PDGFRA: variants seen among roughly 807,000 people sequenced by gnomAD.
PDGFRA encodes the protein platelet derived growth factor receptor alpha, also known as platelet-derived growth factor receptor alpha.
PDGFRA carries 25 observed loss-of-function variants against 121.5 expected under a neutral mutation model. That is an observed-to-expected ratio of 0.21 (90% CI 0.15 to 0.29). The LOEUF (loss-of-function observed/expected upper bound fraction) is 0.29. Ranked by LOEUF, PDGFRA falls within the 10% of genes least tolerant of loss-of-function variation. The probability of loss-of-function intolerance (pLI) is 1.00; values close to 1 mark genes in which losing one functional copy is unlikely to be tolerated. For synonymous variants in PDGFRA, 463 were observed against 494.8 expected (o/e 0.94, Z 0.85); for missense variants, 1,008 against 1,345.1 (o/e 0.75, Z 3.92).
rs149555934 is a variant in PDGFRA at position 54,290,738 on chromosome 4, C to A, written c.3122+184C>A. Among the ~76,000 whole-genome samples the A allele has an allele frequency of 1.8e-3, 281 of 152,310 alleles. 1 individual carries two copies. Among genetic ancestry groups the A allele is most frequent in the African/African-American group, 6.4e-3 (265 of 41,568 alleles). ...GCTTCCCAGATGATTCTAATATGTT[C>A]CCCCTGGGGCTGGGAGAGGGATGTG... On this transcript the variant is annotated intron_variant, in intron 22 of 22. Coordinates refer to ENST00000257290, the MANE Select transcript of PDGFRA (RefSeq NM_006206.6).
rs751123873 is a variant in PDGFRA at position 54,280,409 on chromosome 4, G to A, written c.2250G>A (p.Glu750=). ...TQYVPMLERK[E]VSKYSDIQRS... ...ATGTCCCCATGCTAGAAAGGAAAGA[G>A]GTTTCTAAATATTCCGACATCCAGA... The change falls in exon 16 of 23, where the codon GAG becomes GAA. Residue 750 remains glutamate (E), a synonymous_variant. Coordinates refer to ENST00000257290, the MANE Select transcript of PDGFRA (RefSeq NM_006206.6). The A allele has an allele frequency of 6.2e-7, 1 of 1,613,174 alleles. No individual in the cohort carries two copies.
chr4:54,284,850 A>G (rs1355657810), intron 16 of PDGFRA, among the ~76,000 whole-genome samples: 4 of 144,142 alleles, frequency 2.8e-5, no homozygotes, highest in Non-Finnish European at 6.1e-5. Context: ...GTTTCTGCAT[A>G]TCTCTTTCCT....
chr4:54,233,229 C>T (rs901885725), intron 1 of PDGFRA, among the ~76,000 whole-genome samples: 1 of 152,242 alleles, frequency 6.6e-6, no homozygotes, highest in Non-Finnish European at 1.5e-5. Flanking sequence ...TCGCCGCCAA[C>T]CCCGGGACAA....
At chr4:54,232,776 G>A (rs770230717) in intron 1 of PDGFRA, among the ~76,000 whole-genome samples, 4 of 152,140 alleles carry the variant, frequency 2.6e-5, no homozygotes, top group Non-Finnish European at 5.9e-5. Flanking sequence ...GTAGAGACGG[G>A]GTTTCACCAT....
rs1327515700 is a variant in PDGFRA at position 54,257,075 on chromosome 4, G to A, written c.-12-1682G>A. Among the ~76,000 whole-genome samples, 4 of 152,200 alleles carry A rather than the reference G, an allele frequency of 2.6e-5. No homozygotes were observed. In the East Asian group the frequency reaches 7.8e-4, roughly 30 times the overall value. ...AAAAACCTAGGATGCAATGAAGAAG[G>A]AAGCCGAAACCCACCAAAACCAAGA... On this transcript the variant is annotated intron_variant, in intron 1 of 22. Transcript: ENST00000257290.
At position 54,269,504 on chromosome 4, in the gene PDGFRA, T is replaced by C. The variant is rs868404700; in HGVS notation, c.1122-1129T>C. Among the ~76,000 whole-genome samples the C allele has an allele frequency of 2.5e-3, 351 of 142,382 alleles. 1 individual carries two copies. The highest frequency in any genetic ancestry group is 0.011 in the Middle Eastern group (3 of 276). 93.4% of individuals were successfully genotyped at this position (142,382 alleles called of 152,430 possible). On this transcript the variant is annotated intron_variant, in intron 7 of 22. Coordinates refer to ENST00000257290, the MANE Select transcript of PDGFRA (RefSeq NM_006206.6). ...CACATACTATATTTATGCACATACA[T>C]ACACACACACACACACACACACACA...
intron 7 of PDGFRA, among the ~76,000 whole-genome samples, chr4:54,269,413 A>G (rs12644709): frequency 0.18 from 27,111 of 151,848 alleles, 2,914 homozygotes; most frequent in Admixed American, 0.28. Context: ...TCCATGACCA[A>G]TGCTTTTCTT....
At chr4:54,266,977 G>A (rs1225106146) in intron 5 of PDGFRA, among the ~76,000 whole-genome samples, 3 of 152,134 alleles carry the variant, frequency 2.0e-5, no homozygotes, top group African/African-American at 7.2e-5. Flanking sequence ...GTGAGATTCT[G>A]TCTCTAAAAA....
chr4:54,241,791 C>T (rs1721314979), intron 1 of PDGFRA, among the ~76,000 whole-genome samples: 1 of 152,110 alleles, frequency 6.6e-6, no homozygotes, highest in Admixed American at 6.5e-5. Context: ...TCAGTTGATC[C>T]ACCCACCTTG....
chr4:54,260,397 G>GTTTTTTTTTTTTTT (rs68009440), intron 2 of PDGFRA, among the ~76,000 whole-genome samples: 39 of 64,592 alleles, frequency 6.0e-4, no homozygotes, highest in African/African-American at 2.6e-3. Flanking sequence ...TTCCATGTGG[G>GTTTTTTTTTTTTTT]TTTTTTTTTT....
intron 14 of PDGFRA, 92 bp downstream of exon 14, chr4:54,278,098 C>A: frequency 1.2e-6 from 1 of 812,540 alleles, no homozygotes; most frequent in African/African-American, 1.7e-5. Context: ...CTCTCCATCC[C>A]CACACATGGC....
Position 54,263,891 on chromosome 4 carries a change from T to A in PDGFRA, c.592T>A (p.Phe198Ile), listed in dbSNP as rs562479351. ...ICEATVKGKK[F>I]QTIPFNVYAL... ...TGAGGCCACCGTCAAAGGAAAGAAG[T>A]TCCAGACCATCCCATTTAATGTTTA... Residue 198 changes from phenylalanine (F) to isoleucine (I), a missense_variant, in exon 4 of 23, where the codon TTC (phenylalanine) becomes ATC (isoleucine). Around this residue, in one of 5 missense-constraint regions of PDGFRA, gnomAD observed 575 missense variants for 701.8 expected, o/e 0.82. Coordinates refer to ENST00000257290, the MANE Select transcript of PDGFRA (RefSeq NM_006206.6). 5 of 1,614,018 alleles carry A rather than the reference T, an allele frequency of 3.1e-6. No homozygotes were observed. The Admixed American group carries it at 5.0e-5, about 16-fold the overall frequency.
At position 54,261,167 on chromosome 4, in the gene PDGFRA, T is replaced by A. The variant is rs1341010273; in HGVS notation, c.122T>A (p.Leu41Gln). The change falls in exon 3 of 23, where the codon CTG (leucine) becomes CAG (glutamine). Residue 41 changes from leucine (L) to glutamine (Q), a missense_variant. Transcript: ENST00000257290. ...LPNENEKVVQ[L>Q]NSSFSLRCFG... The stretch of plus-strand genomic sequence containing the variant: ...AATGAAAATGAAAAGGTTGTGCAGC[T>A]GAATTCATCCTTTTCTCTGAGATGC... 3.7e-6 allele frequency: 6 copies of A among 1,614,066 alleles called. 1 individual carries two copies. In the South Asian group the frequency reaches 6.6e-5, roughly 18 times the overall value.
At position 54,261,159 on chromosome 4, in the gene PDGFRA, T is replaced by C. The variant is rs774990928; in HGVS notation, c.114T>C (p.Val38=). The C allele has an allele frequency of 2.5e-6, 4 of 1,614,180 alleles. No individual in the cohort carries two copies. Among genetic ancestry groups the C allele is most frequent in the Non-Finnish European group, 3.4e-6 (4 of 1,180,010 alleles). Residue 38 remains valine (V), a synonymous_variant, in exon 3 of 23, where the codon GTT becomes GTC. Coordinates refer to ENST00000257290, the MANE Select transcript of PDGFRA (RefSeq NM_006206.6). ...PSILPNENEK[V]VQLNSSFSLR... is the part of the protein sequence containing the mutation. ...TCCTTCCAAATGAAAATGAAAAGGT[T>C]GTGCAGCTGAATTCATCCTTTTCTC... is the stretch of plus-strand genomic sequence containing the variant.
At chr4:54,254,016 CTCAG>C in intron 1 of PDGFRA, among the ~76,000 whole-genome samples, 1 of 152,272 alleles carries the variant, frequency 6.6e-6, no homozygotes. Flanking sequence ...TGCCATGTTT[CTCAG>C]AATTTGTGGC....
At chr4:54,286,338 T>C (rs1724361872) in intron 18 of PDGFRA, among the ~76,000 whole-genome samples, 2 of 150,910 alleles carry the variant, frequency 1.3e-5, no homozygotes, top group South Asian at 4.2e-4. Context: ...TTTATTTATT[T>C]ATTTATTTAT....
At chr4:54,236,467 T>G (rs1182366848) in intron 1 of PDGFRA, among the ~76,000 whole-genome samples, 5 of 152,226 alleles carry the variant, frequency 3.3e-5, no homozygotes, top group Non-Finnish European at 5.9e-5. Context: ...CTGCCATTAT[T>G]CATGAGTAAA....
chr4:54,247,826 T>C (rs185481804), intron 1 of PDGFRA, among the ~76,000 whole-genome samples: 4 of 152,276 alleles, frequency 2.6e-5, no homozygotes, highest in East Asian at 3.9e-4. Context: ...GAAAACCCCA[T>C]TGTCTCAGCC....
chr4:54,279,676 C>A (rs2110320893), intron 15 of PDGFRA, among the ~76,000 whole-genome samples: 1 of 152,068 alleles, frequency 6.6e-6, no homozygotes, highest in South Asian at 2.1e-4. Flanking sequence ...ACACTGAACC[C>A]AGTTTGTAGT....
Sources: allele counts gnomAD v4.1 joint callset (sites outside exome capture counted in the v4.1 genomes callset), GRCh38; gene constraint gnomAD v4.1.1; regional missense constraint gnomAD v4.1.1; transcripts MANE v1.5; gene names NCBI Gene and HGNC (gene_info 2026-07-23, HGNC 2026-07-21).